Variants in ABCA13 observed in about 807,000 individuals in gnomAD.
The protein encoded by ABCA13 is ATP-binding cassette sub-family A member 13.
ABCA13 carries 476 observed loss-of-function variants against 478.7 expected under a neutral mutation model. That is an observed-to-expected ratio of 0.99 (90% CI 0.92 to 1.07). The LOEUF is 1.07. Ranked by LOEUF, ABCA13 falls within the 50% of genes least tolerant of loss-of-function variation. The pLI is 0.00. For missense variants in ABCA13, 6,060 were observed against 5,910.6 expected, an observed-to-expected ratio of 1.03 and a Z score of -0.83; for synonymous variants, 2,252 against 2,158.9, an observed-to-expected ratio of 1.04 and a Z score of -1.20.
chr7:48,189,119 CT>C (rs1287068942), intron 1 of ABCA13, among the ~76,000 whole-genome samples: 2 of 152,132 alleles, frequency 1.3e-5, no homozygotes, highest in Non-Finnish European at 2.9e-5. Flanking sequence ...GTGCCAGTTT[CT>C]GCTTCTGATT....
chr7:48,336,790 C>T (rs1806335358), intron 28 of ABCA13, among the ~76,000 whole-genome samples: 1 of 152,198 alleles, frequency 6.6e-6, no homozygotes, highest in Admixed American at 6.5e-5. Context: ...TTGTAATCTT[C>T]TTTAATTTGT....
chr7:48,298,917 A>G (rs1485633372), intron 23 of ABCA13, among the ~76,000 whole-genome samples: 1 of 152,222 alleles, frequency 6.6e-6, no homozygotes, highest in African/African-American at 2.4e-5. Flanking sequence ...GACTGGGCAC[A>G]GTCTGACTAT....
chr7:48,553,103 A>T (rs1231928487), intron 55 of ABCA13, among the ~76,000 whole-genome samples: 1 of 152,144 alleles, frequency 6.6e-6, no homozygotes, highest in Non-Finnish European at 1.5e-5. Flanking sequence ...TATTTCACTT[A>T]ACACAATGAC....
rs367693209 is a variant in ABCA13 at position 48,273,610 on chromosome 7, A to C, written c.3944A>C (p.Asn1315Thr). 1.5e-5 allele frequency: 24 copies of C among 1,598,142 alleles called. No homozygotes were observed. The highest frequency in any genetic ancestry group is 2.0e-5 in the Non-Finnish European group (24 of 1,171,100). Residue 1315 changes from asparagine to threonine, a missense_variant, in exon 17 of 62, where the codon AAT becomes ACT. Asn to Thr is a moderately conservative substitution (Grantham distance 65). Around this residue, in one of 3 missense-constraint regions of ABCA13, gnomAD observed 4,423 missense variants for 4,309.1 expected, o/e 1.03. Coordinates refer to ENST00000435803, the MANE Select transcript of ABCA13 (RefSeq NM_152701.5). ...GACTTTCTTTCAAATAATCTCACAA[A>C]TTATGGAGAAAAATTTGAAAATATC... ...INDFLSNNLT[N>T]YGEKFENIIT...
intron 19 of ABCA13, 71 bp downstream of exon 19, chr7:48,281,523 A>C: frequency 7.6e-7 from 1 of 1,315,514 alleles, no homozygotes; most frequent in Non-Finnish European, 1.1e-6. Context: ...TGTCAGAGAG[A>C]TGAGTATATT....
At chr7:48,447,975 G>C (rs1405435758) in intron 42 of ABCA13, among the ~76,000 whole-genome samples, 19 of 152,006 alleles carry the variant, frequency 1.2e-4, no homozygotes. Context: ...CTTTTTTTCA[G>C]CTATATTTAT....
chr7:48,329,347 G>A (rs952088536), intron 27 of ABCA13, among the ~76,000 whole-genome samples: 7 of 152,130 alleles, frequency 4.6e-5, no homozygotes, highest in East Asian at 1.9e-4. Context: ...AAAATCCCAG[G>A]AAGTCTTTTA....
intron 41 of ABCA13, among the ~76,000 whole-genome samples, chr7:48,417,612 G>T (rs1245261187): frequency 6.6e-6 from 1 of 152,006 alleles, no homozygotes; most frequent in Non-Finnish European, 1.5e-5. Flanking sequence ...TGCCTCCCTT[G>T]CCCCCAGCCT....
At chr7:48,358,210 AAAAAGGAAAGGAAGGGG>A (rs1810253991) in intron 31 of ABCA13, among the ~76,000 whole-genome samples, 2 of 117,772 alleles carry the variant, frequency 1.7e-5, no homozygotes, top group African/African-American at 6.7e-5. Context: ...AAAGGAAAGG[AAAAAGGAAAGGAAGGGG>A]AGGGGAGGGG....
rs1002992771 is a variant in ABCA13, at chr7:48,568,229, T to C, written c.14355-11995T>C. Among the ~76,000 whole-genome samples the C allele has an allele frequency of 3.7e-4, 56 of 152,230 alleles. 1 individual carries two copies. The highest frequency in any genetic ancestry group is 1.2e-3 in the African/African-American group (50 of 41,574). On this transcript the variant is annotated intron_variant, in intron 55 of 61. Transcript: ENST00000435803. ...ACCATTAATTTACTTTCTATCTCCATGGATTTGAGTATCCTGGAAATTCCA... is the reference window on the plus strand; with the variant it reads ...ACCATTAATTTACTTTCTATCTCCACGGATTTGAGTATCCTGGAAATTCCA...
chr7:48,257,866 T>C (rs1793625932), intron 15 of ABCA13, among the ~76,000 whole-genome samples: 1 of 152,192 alleles, frequency 6.6e-6, no homozygotes, highest in African/African-American at 2.4e-5. Context: ...TTTGGATTAG[T>C]TTCAGTAGGG....
chr7:48,209,721 C>T (rs528858627), intron 3 of ABCA13, among the ~76,000 whole-genome samples: 1 of 152,216 alleles, frequency 6.6e-6, no homozygotes, highest in Non-Finnish European at 1.5e-5. Context: ...TCTATGCTTC[C>T]AAAAGCAATC....
intron 60 of ABCA13, 65 bp downstream of exon 60, chr7:48,643,458 CT>C: frequency 2.9e-6 from 4 of 1,387,998 alleles, no homozygotes; most frequent in South Asian, 1.2e-5. Context: ...ATGTACCTGT[CT>C]TTTTTTGTTT....
chr7:48,277,567 C>T (rs1015684023), intron 17 of ABCA13, among the ~76,000 whole-genome samples: 5 of 152,180 alleles, frequency 3.3e-5, no homozygotes, highest in South Asian at 2.1e-4. Flanking sequence ...CTATAACTCC[C>T]ATCTATCCTA....
chr7:48,418,331 T>TAAGA (rs1820308086), intron 41 of ABCA13, among the ~76,000 whole-genome samples: 1 of 152,244 alleles, frequency 6.6e-6, no homozygotes, highest in South Asian at 2.1e-4. Context: ...TGTTGTTCCA[T>TAAGA]ATTCTTGCCA....
chr7:48,498,456 C>G (rs1194231677), intron 48 of ABCA13, among the ~76,000 whole-genome samples: 5 of 152,130 alleles, frequency 3.3e-5, no homozygotes, highest in Non-Finnish European at 2.9e-5. Context: ...AGGGCACCAT[C>G]ATCTTGTTTG....
At chr7:48,240,608 CTCTT>C (rs1486280398) in intron 9 of ABCA13, among the ~76,000 whole-genome samples, 1 of 152,138 alleles carries the variant, frequency 6.6e-6, no homozygotes, top group Non-Finnish European at 1.5e-5. Flanking sequence ...ATTCCCTTCT[CTCTT>C]TTTCTCTTTT....
At chr7:48,254,835 T>C (rs558375334) in intron 15 of ABCA13, among the ~76,000 whole-genome samples, 6 of 152,322 alleles carry the variant, frequency 3.9e-5, no homozygotes, top group African/African-American at 1.4e-4. Flanking sequence ...TGTCTGTGAA[T>C]TTCAGTTTCT....
At chr7:48,252,836 C>T (rs1042909529) in intron 15 of ABCA13, among the ~76,000 whole-genome samples, 2 of 152,104 alleles carry the variant, frequency 1.3e-5, no homozygotes, top group Non-Finnish European at 2.9e-5. Context: ...TATCTGGTTC[C>T]TTTGAATCAT....
Sources: gnomAD v4.1 joint callset for allele counts (sites outside exome capture counted in the v4.1 genomes callset) on GRCh38, gnomAD v4.1.1 for gene constraint, gnomAD v4.1.1 regional missense constraint, MANE v1.5 for transcripts, NCBI Gene and HGNC (gene_info 2026-07-23, HGNC 2026-07-21) for gene names.